SMG6: variants seen among roughly 807,000 people sequenced by gnomAD.
The protein encoded by SMG6 is telomerase-binding protein EST1A.
A neutral mutation model predicts 142.2 loss-of-function variants in SMG6; 66 were observed. The observed-to-expected ratio is 0.46, with a 90% CI of 0.38 to 0.57. The LOEUF (loss-of-function observed/expected upper bound fraction) is 0.57. Ranked by LOEUF, SMG6 falls within the 20% of genes least tolerant of loss-of-function variation. SMG6 has a pLI of 0.00. For missense variants in SMG6, 1,793 were observed against 1,832.0 expected (o/e 0.98, Z 0.39); for synonymous variants, 779 against 702.4 (o/e 1.11, Z -1.72).
At chr17:2,282,390 CA>C (rs576759563) in intron 8 of SMG6, among the ~76,000 whole-genome samples, 378 of 84,520 alleles carry the variant, frequency 4.5e-3, no homozygotes, top group South Asian at 0.014. Flanking sequence ...CAAAAAGCAG[CA>C]AAAAAAAAAA....
At chr17:2,247,644 C>T (rs945049064) in intron 8 of SMG6, among the ~76,000 whole-genome samples, 4 of 150,256 alleles carry the variant, frequency 2.7e-5, no homozygotes, top group Admixed American at 6.7e-5. Context: ...AAAAATTAGC[C>T]GGGTGGTGGG....
At chr17:2,160,031 T>C (rs184899796) in intron 13 of SMG6, among the ~76,000 whole-genome samples, 1 of 152,292 alleles carries the variant, frequency 6.6e-6, no homozygotes, top group East Asian at 1.9e-4. Context: ...ATAGAGGCAC[T>C]TGGGAACATT....
rs374114738 is a variant in SMG6 at position 2,297,337 on chromosome 17, T to C, written c.2057A>G (p.Asp686Gly). 6.2e-7 allele frequency: 1 copy of C among 1,611,578 alleles called. No homozygotes were observed. Among genetic ancestry groups the C allele is most frequent in the Admixed American group, 1.7e-5 (1 of 59,652 alleles). The change falls in exon 4 of 19, where the codon GAT (aspartate) becomes GGT (glycine). Residue 686 changes from aspartate to glycine, a missense_variant. Coordinates refer to ENST00000263073, the MANE Select transcript of SMG6 (RefSeq NM_017575.5). ...AACCTGCAGCTTCTGAAGCAAACTA[T>C]CAAAGAAGTCACTACCCTATAAAAA... is the stretch of plus-strand genomic sequence containing the variant. ...ELLDEGSDFF[D>G]SLLQKLQVTY...
chr17:2,281,439 C>T (rs1192565598), intron 8 of SMG6, among the ~76,000 whole-genome samples: 1 of 152,154 alleles, frequency 6.6e-6, no homozygotes, highest in African/African-American at 2.4e-5. Context: ...TTGACTCTTT[C>T]TTCTCCCTGA....
At chr17:2,183,464 T>G (rs1266431226) in intron 12 of SMG6, among the ~76,000 whole-genome samples, 2 of 152,162 alleles carry the variant, frequency 1.3e-5, no homozygotes, top group Non-Finnish European at 2.9e-5. Flanking sequence ...AAGCTTTTTC[T>G]GTAATGAGCT....
At position 2,192,227 on chromosome 17, in the gene SMG6, G is replaced by A. The variant is rs117100564; in HGVS notation, c.2870-3712C>T. Among the ~76,000 whole-genome samples the A allele has an allele frequency of 3.7e-4, 56 of 152,374 alleles. No individual in the cohort carries two copies. The East Asian group carries it at 0.01, about 28-fold the overall frequency. On this transcript the variant is annotated intron_variant, in intron 10 of 18. Transcript: ENST00000263073. ...CAAGGGATGGTGGTTCAGAACCACT[G>A]CTTCTGATCAATTCCAGTGTTGCCA...
chr17:2,244,458 C>A (rs529418644), intron 9 of SMG6, among the ~76,000 whole-genome samples, 200 bp downstream of exon 9: 4 of 152,138 alleles, frequency 2.6e-5, no homozygotes, highest in East Asian at 3.9e-4. Context: ...AAAGAAGAAA[C>A]AAGAGAGATA....
At position 2,085,633 on chromosome 17, in the gene SMG6, G is replaced by A; in HGVS notation, c.3534+92C>T. ...CATTAACACAGACGCTGTTCTCTGT[G>A]CTCATAAATAAGCAGGAGGAAAAGC... On this transcript the variant is annotated intron_variant, in intron 14 of 18. Coordinates refer to ENST00000263073, the MANE Select transcript of SMG6 (RefSeq NM_017575.5). This position sits in a 1 kb window ranked among gnomAD's most constrained non-coding sequence, Gnocchi z 4.1. 7.8e-7 allele frequency: 1 copy of A among 1,276,628 alleles called. No homozygotes were observed. The highest frequency in any genetic ancestry group is 1.5e-5 in the African/African-American group (1 of 67,048). 79.1% of individuals were successfully genotyped at this position (1,276,628 alleles called of 1,614,324 possible). A position where few individuals can be genotyped will look rare whatever the true frequency, so the allele number is the denominator to read the frequency against.
chr17:2,225,047 T>C (rs1428840956), intron 10 of SMG6, among the ~76,000 whole-genome samples: 1 of 151,850 alleles, frequency 6.6e-6, no homozygotes, highest in Non-Finnish European at 1.5e-5. Flanking sequence ...TTCAGACAAA[T>C]AAAAAAATGA....
At chr17:2,162,517 GAAA>G (rs56092903) in intron 13 of SMG6, among the ~76,000 whole-genome samples, 1,970 of 60,636 alleles carry the variant, frequency 0.032, 24 homozygotes, top group East Asian at 0.099. Context: ...CCCCATCTCA[GAAA>G]AAAAAAAAAA....
chr17:2,176,176 T>C (rs2071648081), intron 12 of SMG6, among the ~76,000 whole-genome samples: 1 of 152,228 alleles, frequency 6.6e-6, no homozygotes, highest in African/African-American at 2.4e-5. Flanking sequence ...GGGAGGTCAG[T>C]TCTGTGGGTG....
chr17:2,249,504 C>T (rs1387066600), intron 8 of SMG6, among the ~76,000 whole-genome samples: 3 of 151,906 alleles, frequency 2.0e-5, no homozygotes, highest in Non-Finnish European at 4.4e-5. Context: ...CACTTTGTTG[C>T]CCAGGCTGGT....
intron 18 of SMG6, chr17:2,063,132 G>A (rs1314397642): frequency 6.6e-6 from 1 of 152,180 alleles, no homozygotes; most frequent in Non-Finnish European, 1.5e-5. Flanking sequence ...CAAACCAGGA[G>A]CGTCCCAGGC....
chr17:2,161,051 T>TGTAG (rs1017071341), intron 13 of SMG6, among the ~76,000 whole-genome samples: 14 of 151,652 alleles, frequency 9.2e-5, no homozygotes, highest in South Asian at 2.1e-4. Context: ...TATGTATGTA[T>TGTAG]GTAGGTAGGT....
chr17:2,137,557 C>T (rs543534799), intron 13 of SMG6, among the ~76,000 whole-genome samples: 3 of 152,050 alleles, frequency 2.0e-5, no homozygotes, highest in Admixed American at 6.6e-5. Context: ...TCAGGGTTCT[C>T]GGGGAGGAGT....
chr17:2,103,218 G>C (rs1371404452), intron 13 of SMG6, among the ~76,000 whole-genome samples: 1 of 152,182 alleles, frequency 6.6e-6, no homozygotes, highest in African/African-American at 2.4e-5. Context: ...ATCTTGGAAA[G>C]GAGGAAAGGA....
At chr17:2,223,373 T>G (rs1240440585) in intron 10 of SMG6, among the ~76,000 whole-genome samples, 1 of 152,196 alleles carries the variant, frequency 6.6e-6, no homozygotes, top group Non-Finnish European at 1.5e-5. Flanking sequence ...GATATGAGTC[T>G]TATATTTGAA....
At chr17:2,109,764 G>A (rs62067978) in intron 13 of SMG6, among the ~76,000 whole-genome samples, 46,822 of 151,922 alleles carry the variant, frequency 0.31, 8,892 homozygotes, top group African/African-American at 0.54. Flanking sequence ...GCCTATACTA[G>A]AGAAACCTAT....
At chr17:2,100,411 G>C (rs1295619594) in intron 13 of SMG6, among the ~76,000 whole-genome samples, 1 of 152,122 alleles carries the variant, frequency 6.6e-6, no homozygotes, top group African/African-American at 2.4e-5. Flanking sequence ...GGCCTCAAGT[G>C]ATCTGCCCTC....
Sources: allele counts gnomAD v4.1 joint callset (sites outside exome capture counted in the v4.1 genomes callset), GRCh38; gene constraint gnomAD v4.1.1; non-coding constraint Gnocchi (gnomAD v3.1); transcripts MANE v1.5; gene names NCBI Gene and HGNC (gene_info 2026-07-23, HGNC 2026-07-21).